Variants in PREX1 observed in about 807,000 individuals in gnomAD.
PREX1 encodes the protein phosphatidylinositol-3,4,5-trisphosphate dependent Rac exchange factor 1, also known as phosphatidylinositol 3,4,5-trisphosphate-dependent Rac exchanger 1 protein.
Under a neutral mutation model 198.3 loss-of-function variants are expected in PREX1, and 41 were observed. The ratio of observed to expected loss-of-function variants is 0.21; its 90% CI spans 0.16 to 0.27. The LOEUF is 0.27. Among genes scored for constraint, PREX1 ranks in the 10% least tolerant of loss-of-function variants. The pLI is 1.00. For synonymous variants in PREX1, 843 were observed against 887.2 expected (o/e 0.95, Z 0.89); for missense variants, 1,620 against 2,200.7 (o/e 0.74, Z 5.28).
At chr20:48,728,678 G>C (rs1450506310) in intron 4 of PREX1, among the ~76,000 whole-genome samples, 1 of 152,190 alleles carries the variant, frequency 6.6e-6, no homozygotes, top group Non-Finnish European at 1.5e-5. Context: ...GCCTGGGGGT[G>C]GGGAAGTGCT....
intron 6 of PREX1, among the ~76,000 whole-genome samples, chr20:48,701,535 T>A (rs561795811): frequency 6.6e-6 from 1 of 151,106 alleles, no homozygotes; most frequent in Admixed American, 6.6e-5. Flanking sequence ...TTATTGTGGG[T>A]TTTTTTTTCA....
intron 30 of PREX1, among the ~76,000 whole-genome samples, chr20:48,638,873 G>GCA (rs748930119): frequency 6.6e-6 from 1 of 152,370 alleles, no homozygotes; most frequent in Non-Finnish European, 1.5e-5. Flanking sequence ...GCCAGTAAGT[G>GCA]GGTGAGCTGG....
intron 1 of PREX1, among the ~76,000 whole-genome samples, chr20:48,813,314 A>G (rs2090444566): frequency 6.6e-6 from 1 of 152,246 alleles, no homozygotes; most frequent in Non-Finnish European, 1.5e-5. Context: ...AAGCATGAGC[A>G]CATCTCAGTG....
chr20:48,699,252 G>C (rs2089862681), intron 7 of PREX1, among the ~76,000 whole-genome samples: 2 of 152,186 alleles, frequency 1.3e-5, no homozygotes, highest in South Asian at 4.1e-4. Context: ...TAGGGCCTAA[G>C]ACCTGGACCT....
intron 1 of PREX1, among the ~76,000 whole-genome samples, chr20:48,807,919 CA>C (rs900498628): frequency 5.9e-5 from 9 of 152,106 alleles, no homozygotes; most frequent in Non-Finnish European, 1.2e-4. Flanking sequence ...GCTGTCCACT[CA>C]GGGGGCCCTG....
At chr20:48,744,957 C>A in intron 3 of PREX1, 68 bp downstream of exon 3, 1 of 1,580,324 alleles carries the variant, frequency 6.3e-7, no homozygotes, top group Non-Finnish European at 8.6e-7. Flanking sequence ...GCGGATGGGG[C>A]AGGGACCCAG....
intron 7 of PREX1, among the ~76,000 whole-genome samples, chr20:48,700,038 G>A (rs1004346041): frequency 3.9e-5 from 6 of 151,996 alleles, no homozygotes; most frequent in South Asian, 4.2e-4. Flanking sequence ...CACACAACCC[G>A]TCACCACACT....
chr20:48,674,576 G>A (rs1294488892), intron 14 of PREX1, among the ~76,000 whole-genome samples: 2 of 152,144 alleles, frequency 1.3e-5, no homozygotes, highest in African/African-American at 4.8e-5. Flanking sequence ...TCACAGAACC[G>A]AGGCACAGTG....
intron 1 of PREX1, among the ~76,000 whole-genome samples, chr20:48,766,245 TG>T (rs2122861102): frequency 6.6e-6 from 1 of 152,236 alleles, no homozygotes; most frequent in African/African-American, 2.4e-5. Flanking sequence ...CCTAGGTCCG[TG>T]GAAAAAAATG....
At chr20:48,697,624 T>G (rs549240619) in intron 7 of PREX1, among the ~76,000 whole-genome samples, 101 of 152,170 alleles carry the variant, frequency 6.6e-4, no homozygotes, top group Admixed American at 1.5e-3. Context: ...GACCTCATGA[T>G]CCACCCTCCT....
At chr20:48,838,607 A>G in the PREX1 span, among the ~76,000 whole-genome samples, 3 of 152,336 alleles carry the variant, frequency 2.0e-5, no homozygotes, top group East Asian at 5.8e-4. Context: ...CTCATGATAC[A>G]TAGATGAATG....
intron 1 of PREX1, among the ~76,000 whole-genome samples, chr20:48,801,484 C>T (rs1433186820): frequency 6.6e-6 from 1 of 152,206 alleles, no homozygotes; most frequent in Non-Finnish European, 1.5e-5. Context: ...GACAGAGTCC[C>T]TTCTGGTCAG....
chr20:48,837,331 AAGG>A, the PREX1 span, among the ~76,000 whole-genome samples: 1 of 152,228 alleles, frequency 6.6e-6, no homozygotes. Context: ...GTACTACCCA[AAGG>A]AATATAAATC....
intron 4 of PREX1, among the ~76,000 whole-genome samples, chr20:48,733,500 A>G (rs1331550811): frequency 6.6e-6 from 1 of 152,222 alleles, no homozygotes; most frequent in African/African-American, 2.4e-5. Context: ...CTCAGCTATC[A>G]GAGGTATAAG....
intron 1 of PREX1, among the ~76,000 whole-genome samples, chr20:48,796,201 C>T (rs2090361578): frequency 6.6e-6 from 1 of 151,732 alleles, no homozygotes; most frequent in African/African-American, 2.4e-5. Flanking sequence ...AATGAATAAA[C>T]TTACAGGTAT....
rs7268101 is a variant in PREX1 at position 48,821,240 on chromosome 20, C to G, written c.219+6402G>C. Among the ~76,000 whole-genome samples, 1,192 of 152,020 alleles carry G rather than the reference C, an allele frequency of 7.8e-3. 6 individuals are homozygous for G. The highest frequency in any genetic ancestry group is 0.027 in the African/African-American group (1,100 of 41,342). On this transcript the variant is annotated intron_variant, in intron 1 of 39. Coordinates refer to ENST00000371941, the MANE Select transcript of PREX1 (RefSeq NM_020820.4). ...GGGATTTTTGATCCTGGCTAAAACA[C>G]AGATCCCCAGAAAAGGATGTGGGCC...
chr20:48,661,444 A>AAAAAAAAATATATATATAT (rs1555832820), intron 15 of PREX1, among the ~76,000 whole-genome samples: 2 of 49,598 alleles, frequency 4.0e-5, no homozygotes, highest in Non-Finnish European at 6.2e-5. Context: ...AAAAAAAAAA[A>AAAAAAAAATATATATATAT]ATATATATAT....
chr20:48,847,663 A>G, the PREX1 span, among the ~76,000 whole-genome samples: 2 of 152,148 alleles, frequency 1.3e-5, no homozygotes, highest in Admixed American at 1.3e-4. Flanking sequence ...GGTGAAATTT[A>G]CTTGCAGTGA....
chr20:48,781,112 T>A (rs1039391819), intron 1 of PREX1, among the ~76,000 whole-genome samples: 8 of 152,118 alleles, frequency 5.3e-5, no homozygotes, highest in African/African-American at 1.9e-4. Context: ...CTCTCACAGA[T>A]TACAGGAGAC....
Sources: gnomAD v4.1 joint callset for allele counts (sites outside exome capture counted in the v4.1 genomes callset) on GRCh38, gnomAD v4.1.1 for gene constraint, MANE v1.5 for transcripts, NCBI Gene and HGNC (gene_info 2026-07-23, HGNC 2026-07-21) for gene names.